Variants in PLPPR5 observed in about 807,000 individuals in gnomAD.
PLPPR5 encodes the protein phospholipid phosphatase-related protein type 5.
PLPPR5 carries 16 observed loss-of-function variants against 33.9 expected under a neutral mutation model. The observed-to-expected ratio is 0.47, with a 90% CI of 0.32 to 0.72. The LOEUF (loss-of-function observed/expected upper bound fraction) is 0.72. Ranked by LOEUF, PLPPR5 falls within the 30% of genes least tolerant of loss-of-function variation. The pLI is 0.03. For missense variants in PLPPR5, 301 were observed against 406.7 expected (o/e 0.74, Z 2.23); for synonymous variants, 163 against 150.3 (o/e 1.08, Z -0.62).
At chr1:99,001,311 C>CT (rs1652832390) in intron 1 of PLPPR5, among the ~76,000 whole-genome samples, 1 of 151,468 alleles carries the variant, frequency 6.6e-6, no homozygotes, top group Admixed American at 6.6e-5. Flanking sequence ...ATTTTTTGTA[C>CT]TTTTTAGTAG....
At chr1:98,921,680 T>C (rs1458117180) in intron 4 of PLPPR5, among the ~76,000 whole-genome samples, 1 of 152,118 alleles carries the variant, frequency 6.6e-6, no homozygotes, top group Non-Finnish European at 1.5e-5. Context: ...ATTTTTTTCA[T>C]CCCCAAACCT....
At position 98,926,598 on chromosome 1, in the gene PLPPR5, C is replaced by A. The variant is rs536814838; in HGVS notation, c.622-4540G>T. Among the ~76,000 whole-genome samples, 4 of 152,120 alleles carry A rather than the reference C, an allele frequency of 2.6e-5. No individual in the cohort carries two copies. The South Asian group carries it at 6.2e-4, about 24-fold the overall frequency. On this transcript the variant is annotated intron_variant, in intron 3 of 5. Transcript: ENST00000263177. ...CTGATGCCTTATCAAGTTCCCCTTA[C>A]CCTGGGCTCCTGAAATTGTTCAAAA...
chr1:98,932,525 G>A (rs150462805), intron 3 of PLPPR5, among the ~76,000 whole-genome samples: 185 of 152,228 alleles, frequency 1.2e-3, no homozygotes, highest in Non-Finnish European at 2.2e-3. Flanking sequence ...AAAATGTACA[G>A]CAACTCTCAC....
At chr1:98,918,489 G>A (rs1054236796) in intron 4 of PLPPR5, among the ~76,000 whole-genome samples, 4 of 152,094 alleles carry the variant, frequency 2.6e-5, no homozygotes, top group Non-Finnish European at 5.9e-5. Context: ...AATAGTATTT[G>A]CCTTGTATTT....
chr1:99,000,744 T>G (rs1306151039), intron 1 of PLPPR5, among the ~76,000 whole-genome samples: 1 of 152,228 alleles, frequency 6.6e-6, no homozygotes, highest in East Asian at 1.9e-4. Flanking sequence ...GATGCATGGA[T>G]ATGCATATAT....
At chr1:98,995,603 G>C (rs1411839666) in intron 1 of PLPPR5, among the ~76,000 whole-genome samples, 1 of 151,812 alleles carries the variant, frequency 6.6e-6, no homozygotes, top group East Asian at 1.9e-4. Context: ...AATGGATTTA[G>C]AGTCCAGCCC....
chr1:98,968,524 C>T (rs1396450901), intron 1 of PLPPR5, among the ~76,000 whole-genome samples: 3 of 151,880 alleles, frequency 2.0e-5, no homozygotes, highest in African/African-American at 7.3e-5. Context: ...GTCCCTAGGT[C>T]AATGTTTCTC....
At chr1:98,928,064 C>T (rs1439750143) in intron 3 of PLPPR5, among the ~76,000 whole-genome samples, 1 of 152,056 alleles carries the variant, frequency 6.6e-6, no homozygotes, top group Admixed American at 6.6e-5. Context: ...AAGCTAAACA[C>T]TTCTTTTTCT....
At chr1:98,961,555 A>G (rs1366722039) in intron 1 of PLPPR5, among the ~76,000 whole-genome samples, 2 of 152,216 alleles carry the variant, frequency 1.3e-5, no homozygotes, top group African/African-American at 2.4e-5. Context: ...GGCATTAGTA[A>G]ACAGTCTAAT....
chr1:98,943,862 T>G lies in PLPPR5; in HGVS notation c.621+9208A>C, dbSNP rs565276964. On this transcript the variant is annotated intron_variant, in intron 3 of 5. Coordinates refer to ENST00000263177, the MANE Select transcript of PLPPR5 (RefSeq NM_001037317.2). The stretch of plus-strand genomic sequence containing the variant: ...AACTAATATTGGCCATTGATTTGTT[T>G]AATGGGTTGTTTCCAATTCCATTCC... 2.0e-5 allele frequency among the ~76,000 whole-genome samples: 3 copies of G among 152,330 alleles called. No individual in the cohort carries two copies. In the East Asian group the frequency reaches 5.8e-4, roughly 29 times the overall value.
intron 2 of PLPPR5, 137 bp downstream of exon 2, chr1:98,956,472 T>A: frequency 1.1e-6 from 1 of 869,734 alleles, no homozygotes; most frequent in Non-Finnish European, 1.6e-6. Flanking sequence ...AATGTTTATT[T>A]TTAAAAGCAA....
rs531031050 is a variant in PLPPR5 at position 98,916,211 on chromosome 1, A to G, written c.799-1291T>C. On this transcript the variant is annotated intron_variant, in intron 4 of 5. Transcript: ENST00000263177. ...AAATAAGAACACCTACTGAGATTTT[A>G]CGTCAGAAAAATACTCCTTTGCAAA... 3.2e-4 allele frequency among the ~76,000 whole-genome samples: 49 copies of G among 152,360 alleles called. 1 individual carries two copies. Among genetic ancestry groups the G allele is most frequent in the Non-Finnish European group, 4.0e-4 (27 of 68,036 alleles).
intron 1 of PLPPR5, among the ~76,000 whole-genome samples, chr1:98,975,542 A>C (rs1651820424): frequency 6.6e-6 from 1 of 152,084 alleles, no homozygotes; most frequent in Non-Finnish European, 1.5e-5. Flanking sequence ...GTACAAATAT[A>C]ACCTACATGT....
chr1:98,904,001 A>G (rs1648796842), intron 5 of PLPPR5, among the ~76,000 whole-genome samples: 1 of 152,182 alleles, frequency 6.6e-6, no homozygotes, highest in Admixed American at 6.5e-5. Context: ...CTTTCAGAAC[A>G]TTCCTATCCA....
At chr1:98,944,949 C>G (rs1216855619) in intron 3 of PLPPR5, among the ~76,000 whole-genome samples, 1 of 152,180 alleles carries the variant, frequency 6.6e-6, no homozygotes, top group Non-Finnish European at 1.5e-5. Flanking sequence ...CAGACTCGAG[C>G]ATGTTACTGG....
chr1:98,931,782 T>C (rs573243399), intron 3 of PLPPR5, among the ~76,000 whole-genome samples: 1 of 152,236 alleles, frequency 6.6e-6, no homozygotes, highest in Non-Finnish European at 1.5e-5. Context: ...GTGTGCCAAG[T>C]GAAGGATTCG....
rs1351271974 is a variant in PLPPR5 at position 98,953,334 on chromosome 1, C to T, written c.371-14G>A. ...ATGTATAAATTCCTGGGGAAGAAAA[C>T]AAATAATTTTAACTTCTTGCTTGTG... On this transcript the variant is annotated splice_polypyrimidine_tract_variant and intron_variant, in intron 2 of 5. Transcript: ENST00000263177. The T allele has an allele frequency of 1.3e-6, 2 of 1,595,536 alleles. No homozygotes were observed. Among genetic ancestry groups the T allele is most frequent in the African/African-American group, 2.8e-5 (2 of 72,056 alleles).
chr1:98,971,157 T>C (rs192240782), intron 1 of PLPPR5, among the ~76,000 whole-genome samples: 257 of 152,198 alleles, frequency 1.7e-3, no homozygotes, highest in Middle Eastern at 6.8e-3. Flanking sequence ...AGCAGCCTGC[T>C]ACTCCAAAAT....
chr1:98,971,063 A>G (rs1421206686), intron 1 of PLPPR5, among the ~76,000 whole-genome samples: 1 of 152,084 alleles, frequency 6.6e-6, no homozygotes, highest in Non-Finnish European at 1.5e-5. Context: ...TAGAGAACAA[A>G]GTGTGTATTG....
Sources: gnomAD v4.1 joint callset for allele counts (sites outside exome capture counted in the v4.1 genomes callset) on GRCh38, gnomAD v4.1.1 for gene constraint, MANE v1.5 for transcripts, NCBI Gene and HGNC (gene_info 2026-07-23, HGNC 2026-07-21) for gene names.